Variants in FAM110B observed in about 807,000 individuals in gnomAD.
The protein encoded by FAM110B is protein FAM110B.
FAM110B carries 6 observed loss-of-function variants against 20.4 expected under a neutral mutation model. The ratio of observed to expected loss-of-function variants is 0.29; its 90% CI spans 0.16 to 0.58. FAM110B has a LOEUF of 0.58. Ranked by LOEUF, FAM110B falls within the 20% of genes least tolerant of loss-of-function variation. The pLI is 0.90. For synonymous variants in FAM110B, 226 were observed against 214.1 expected, an observed-to-expected ratio of 1.06 and a Z score of -0.49; for missense variants, 434 against 498.2, an observed-to-expected ratio of 0.87 and a Z score of 1.23.
intron 3 of FAM110B, among the ~76,000 whole-genome samples, chr8:58,107,993 C>T (rs1806962674): frequency 6.6e-6 from 1 of 152,182 alleles, no homozygotes; most frequent in South Asian, 2.1e-4. Context: ...TAATTTTTTA[C>T]TAATGTAACG....
chr8:58,093,533 G>T (rs1045529860), intron 3 of FAM110B, among the ~76,000 whole-genome samples: 17 of 152,054 alleles, frequency 1.1e-4, no homozygotes, highest in African/African-American at 3.9e-4. Flanking sequence ...ATTTTTGTCA[G>T]GCTTGCCAAA....
intron 2 of FAM110B, among the ~76,000 whole-genome samples, chr8:58,063,524 G>C (rs1357659451): frequency 6.6e-6 from 1 of 152,088 alleles, no homozygotes; most frequent in African/African-American, 2.4e-5. Flanking sequence ...TTCAGATTTT[G>C]TAATATTTTC....
chr8:58,034,300 T>C (rs141262838), intron 2 of FAM110B, among the ~76,000 whole-genome samples: 1 of 152,328 alleles, frequency 6.6e-6, no homozygotes, highest in South Asian at 2.1e-4. Context: ...TTCTGTTTTC[T>C]TATGGTGAGT....
chr8:58,061,044 T>C (rs1805646671), intron 2 of FAM110B, among the ~76,000 whole-genome samples: 1 of 152,204 alleles, frequency 6.6e-6, no homozygotes, highest in African/African-American at 2.4e-5. Context: ...ATACACAGTA[T>C]AATATTCTCA....
At chr8:58,010,298 A>G (rs1395237378) in intron 1 of FAM110B, among the ~76,000 whole-genome samples, 1 of 151,810 alleles carries the variant, frequency 6.6e-6, no homozygotes, top group Non-Finnish European at 1.5e-5. Flanking sequence ...CTGGGATTAC[A>G]GGTGTGCGCC....
chr8:58,047,639 T>TCTCTCTCTTTC, intron 2 of FAM110B, among the ~76,000 whole-genome samples: 1 of 144,014 alleles, frequency 6.9e-6, no homozygotes, highest in Non-Finnish European at 1.5e-5. Context: ...TCTCTCTGAC[T>TCTCTCTCTTTC]TATATAAATC....
chr8:58,107,408 C>A (rs1806946357), intron 3 of FAM110B, among the ~76,000 whole-genome samples: 1 of 152,106 alleles, frequency 6.6e-6, no homozygotes, highest in African/African-American at 2.4e-5. Context: ...AACAGCCAAC[C>A]CACTGCATTA....
At chr8:58,057,431 TGG>T (rs1307764241) in intron 2 of FAM110B, among the ~76,000 whole-genome samples, 29 of 152,224 alleles carry the variant, frequency 1.9e-4, no homozygotes, top group Admixed American at 1.9e-3. Context: ...TCCTAGACAT[TGG>T]GAAATTAGAC....
intron 2 of FAM110B, among the ~76,000 whole-genome samples, chr8:58,060,459 A>G (rs1290985398): frequency 6.6e-6 from 1 of 152,216 alleles, no homozygotes; most frequent in Non-Finnish European, 1.5e-5. Context: ...TAAATCAGAA[A>G]GGAAAATAGA....
At chr8:58,011,172 C>G (rs942422791) in intron 1 of FAM110B, among the ~76,000 whole-genome samples, 5 of 152,184 alleles carry the variant, frequency 3.3e-5, no homozygotes, top group Non-Finnish European at 5.9e-5. Context: ...ATGCCCTTTT[C>G]TCAACTAAGA....
chr8:58,100,808 T>C (rs1294354147), intron 3 of FAM110B: 2 of 152,212 alleles, frequency 1.3e-5, no homozygotes, highest in African/African-American at 2.4e-5. Flanking sequence ...TTCTGAGGTA[T>C]TGGAGGTTAG....
At chr8:58,045,750 A>G (rs1805308000) in intron 2 of FAM110B, among the ~76,000 whole-genome samples, 1 of 152,240 alleles carries the variant, frequency 6.6e-6, no homozygotes, top group Admixed American at 6.5e-5. Context: ...AAGAAATTAT[A>G]TTAAGATCCT....
chr8:58,099,101 T>G (rs892551954), intron 3 of FAM110B: 12 of 152,354 alleles, frequency 7.9e-5, no homozygotes, highest in Admixed American at 2.0e-4. Context: ...AGTGTTTCTA[T>G]TCCTGCTGAT....
intron 3 of FAM110B, among the ~76,000 whole-genome samples, chr8:58,107,024 G>T (rs1232084804): frequency 3.9e-5 from 6 of 152,030 alleles, no homozygotes; most frequent in Non-Finnish European, 8.8e-5. Context: ...ATGGTTTTGG[G>T]TTATATGGTT....
At chr8:58,070,948 C>G (rs1805883568) in intron 2 of FAM110B, among the ~76,000 whole-genome samples, 1 of 152,108 alleles carries the variant, frequency 6.6e-6, no homozygotes, top group African/African-American at 2.4e-5. Context: ...GTTAACATAT[C>G]CCATTCTGCC....
At chr8:58,107,677 G>A (rs544909684) in intron 3 of FAM110B, among the ~76,000 whole-genome samples, 2 of 152,148 alleles carry the variant, frequency 1.3e-5, no homozygotes, top group Non-Finnish European at 2.9e-5. Flanking sequence ...AGCGCCTCTG[G>A]ATTATTTTTA....
intron 2 of FAM110B, among the ~76,000 whole-genome samples, chr8:58,075,271 T>TGTGTGTGTGTGTGTGTGTGTG (rs1554521060): frequency 3.3e-4 from 45 of 134,780 alleles, no homozygotes; most frequent in African/African-American, 1.7e-3. Flanking sequence ...GCTTTTTTTT[T>TGTGTGTGTGTGTGTGTGTGTG]TTTTTGTGTG....
At chr8:58,097,341 T>C (rs1015738753) in intron 3 of FAM110B, among the ~76,000 whole-genome samples, 4 of 152,254 alleles carry the variant, frequency 2.6e-5, no homozygotes, top group Non-Finnish European at 5.9e-5. Flanking sequence ...ATTTGGCTAT[T>C]GATACTTGTG....
intron 3 of FAM110B, chr8:58,099,222 T>C (rs1464508642): frequency 3.3e-5 from 5 of 152,086 alleles, no homozygotes; most frequent in African/African-American, 1.2e-4. Context: ...TTAAGAAAAA[T>C]GAATGCAGGT....
Sources: allele counts gnomAD v4.1 joint callset (sites outside exome capture counted in the v4.1 genomes callset), GRCh38; gene constraint gnomAD v4.1.1; transcripts MANE v1.5; gene names NCBI Gene and HGNC (gene_info 2026-07-23, HGNC 2026-07-21).